Variants in KAZN observed in about 807,000 individuals in gnomAD.
The protein encoded by KAZN is kazrin, periplakin interacting protein, also known as kazrin.
KAZN carries 40 observed loss-of-function variants against 87.4 expected under a neutral mutation model. That is an observed-to-expected ratio of 0.46 (90% CI 0.36 to 0.60). The LOEUF (loss-of-function observed/expected upper bound fraction) is 0.60, where lower values mean the gene tolerates loss of function less well. Among genes scored for constraint, KAZN ranks in the 20% least tolerant of loss-of-function variants. The pLI, the probability that KAZN is intolerant of heterozygous loss-of-function variation, is 0.00. For synonymous variants in KAZN, 466 were observed against 458.3 expected, an observed-to-expected ratio of 1.02 and a Z score of -0.22; for missense variants, 898 against 1,073.9, an observed-to-expected ratio of 0.84 and a Z score of 2.29.
rs1670706361 is a variant in KAZN, at chr1:15,021,900, C to T, written c.419-12849C>T. 6.6e-6 allele frequency among the ~76,000 whole-genome samples: 1 copy of T among 151,168 alleles called. No homozygotes were observed. The highest frequency in any genetic ancestry group is 1.5e-5 in the Non-Finnish European group (1 of 67,732). ...ACAAAGAAAAAGAGGTTGGGGAGGC[C>T]TCATAATCATGGCGGAAGGCAAAAG... is the stretch of plus-strand genomic sequence containing the variant. On this transcript the variant is annotated intron_variant, in intron 2 of 14. Transcript: ENST00000376030. The surrounding 1 kb of genome is among the most constrained non-coding windows in gnomAD (Gnocchi z 4.2).
exon 1 of KAZN, chr1:13,893,463 C>A: frequency 1.3e-6 from 1 of 798,154 alleles, no homozygotes; most frequent in South Asian, 2.1e-5. Flanking sequence ...TCATTTTTTA[C>A]TTGACTGGTG....
chr1:14,331,696 G>C (rs757804128), intron 2 of KAZN, among the ~76,000 whole-genome samples: 4 of 151,906 alleles, frequency 2.6e-5, no homozygotes, highest in Non-Finnish European at 5.9e-5. Flanking sequence ...TCTATCACCC[G>C]AACAACAAAA....
upstream of KAZN, among the ~76,000 whole-genome samples, chr1:14,596,306 GCGCA>G (rs769559156): frequency 8.0e-4 from 49 of 61,556 alleles, no homozygotes; most frequent in South Asian, 2.6e-3. Context: ...GCACACGTGT[GCGCA>G]CACACACACA....
intron 1 of KAZN, among the ~76,000 whole-genome samples, chr1:14,631,398 T>C (rs867548464): frequency 6.6e-6 from 1 of 152,210 alleles, no homozygotes; most frequent in Admixed American, 6.5e-5. Context: ...GGCTGGGAAT[T>C]ACCATCAATC....
At chr1:14,700,552 T>C (rs192971610) in intron 1 of KAZN, among the ~76,000 whole-genome samples, 2 of 152,212 alleles carry the variant, frequency 1.3e-5, no homozygotes, top group African/African-American at 4.8e-5. Flanking sequence ...GAGTGAGTCA[T>C]TGGTTTACTA....
At chr1:15,002,918 G>A (rs913443481) in intron 2 of KAZN, among the ~76,000 whole-genome samples, 1 of 152,032 alleles carries the variant, frequency 6.6e-6, no homozygotes, top group Admixed American at 6.6e-5. Flanking sequence ...GGAGGTTACA[G>A]CGAGCCGAGA....
At chr1:14,136,601 T>C (rs1293811066) in intron 1 of KAZN, among the ~76,000 whole-genome samples, 5 of 139,418 alleles carry the variant, frequency 3.6e-5, no homozygotes, top group Non-Finnish European at 7.6e-5. Context: ...CCAGCAGAGG[T>C]GACTGAGGGC....
At chr1:14,141,430 T>G (rs1645237606) in intron 1 of KAZN, among the ~76,000 whole-genome samples, 1 of 151,600 alleles carries the variant, frequency 6.6e-6, no homozygotes, top group African/African-American at 2.4e-5. Context: ...ATAGGTTTCT[T>G]CGGGGGGTAA....
intron 2 of KAZN, among the ~76,000 whole-genome samples, chr1:14,298,524 T>C (rs776068728): frequency 1.4e-4 from 21 of 152,352 alleles, no homozygotes; most frequent in Non-Finnish European, 2.4e-4. Context: ...CCCATGCAAG[T>C]GTACGATTTT....
chr1:14,835,441 G>T lies in KAZN; in HGVS notation c.227-125243G>T, dbSNP rs141132865. Among the ~76,000 whole-genome samples the T allele has an allele frequency of 2.6e-5, 4 of 152,292 alleles. No homozygotes were observed. In the East Asian group the frequency reaches 7.7e-4, roughly 29 times the overall value. Reference sequence around the variant, plus strand: ...AAAACCTGACGAGAAGGGGGTGGGGGCCGCAATCTGAGTGTCTCTCCTGGA... The same window carrying T: ...AAAACCTGACGAGAAGGGGGTGGGGTCCGCAATCTGAGTGTCTCTCCTGGA... On this transcript the variant is annotated intron_variant, in intron 1 of 14. Coordinates refer to ENST00000376030, the MANE Select transcript of KAZN (RefSeq NM_201628.3).
intron 2 of KAZN, among the ~76,000 whole-genome samples, chr1:14,566,563 C>G (rs1273234973): frequency 6.6e-6 from 1 of 152,208 alleles, no homozygotes; most frequent in Non-Finnish European, 1.5e-5. Flanking sequence ...TTCTCTTACC[C>G]ACTTATGAAA....
At chr1:14,957,572 C>T (rs994511837) in intron 1 of KAZN, among the ~76,000 whole-genome samples, 6 of 152,218 alleles carry the variant, frequency 3.9e-5, no homozygotes, top group Non-Finnish European at 1.5e-5. Flanking sequence ...GGGTTTTGTC[C>T]GGGTTGCCTG....
At chr1:14,648,174 G>C (rs143936062) in intron 1 of KAZN, among the ~76,000 whole-genome samples, 22 of 152,334 alleles carry the variant, frequency 1.4e-4, no homozygotes, top group African/African-American at 5.3e-4. Context: ...TCACATTTAT[G>C]TAAAGATCGC....
chr1:14,245,595 T>C (rs1226089311), intron 2 of KAZN, among the ~76,000 whole-genome samples: 1 of 152,060 alleles, frequency 6.6e-6, no homozygotes, highest in Non-Finnish European at 1.5e-5. Flanking sequence ...AGTACATCTT[T>C]GAGATAGATT....
At chr1:14,894,599 CCT>C (rs1172538661) in intron 1 of KAZN, among the ~76,000 whole-genome samples, 1 of 152,236 alleles carries the variant, frequency 6.6e-6, no homozygotes, top group African/African-American at 2.4e-5. Flanking sequence ...GCCTTCCCGG[CCT>C]CTCAGTCTGA....
chr1:14,659,667 C>A (rs1639028119), intron 1 of KAZN, among the ~76,000 whole-genome samples: 1 of 152,048 alleles, frequency 6.6e-6, no homozygotes, highest in Non-Finnish European at 1.5e-5. Context: ...GCATTTAAAG[C>A]CTATCCCTGA....
chr1:14,844,913 G>T (rs1327096667), intron 1 of KAZN, among the ~76,000 whole-genome samples: 1 of 152,108 alleles, frequency 6.6e-6, no homozygotes, highest in Non-Finnish European at 1.5e-5. Flanking sequence ...TTGGTGTTTT[G>T]GTGGGTGGGG....
intron 1 of KAZN, among the ~76,000 whole-genome samples, chr1:14,072,992 T>C (rs1036745838): frequency 1.3e-5 from 2 of 152,148 alleles, no homozygotes; most frequent in Admixed American, 1.3e-4. Context: ...AGATCAGGGC[T>C]GGTTCTGAAT....
At chr1:14,412,607 T>A (rs926234241) in intron 2 of KAZN, among the ~76,000 whole-genome samples, 1 of 152,006 alleles carries the variant, frequency 6.6e-6, no homozygotes, top group African/African-American at 2.4e-5. Flanking sequence ...TTAAAATACA[T>A]AAAAGAAGAG....
Sources: allele counts gnomAD v4.1 joint callset (sites outside exome capture counted in the v4.1 genomes callset), GRCh38; gene constraint gnomAD v4.1.1; non-coding constraint Gnocchi (gnomAD v3.1); transcripts MANE v1.5; gene names NCBI Gene and HGNC (gene_info 2026-07-23, HGNC 2026-07-21).